The following PGGHG variants were observed in gnomAD, a reference collection of about 807,000 sequenced individuals.
The protein encoded by PGGHG is ATH1, acid trehalase-like 1.
Under a neutral mutation model 74.5 loss-of-function variants are expected in PGGHG, and 67 were observed. The observed-to-expected ratio is 0.90, with a 90% CI of 0.74 to 1.10. The LOEUF (loss-of-function observed/expected upper bound fraction) is 1.10, where lower values mean the gene tolerates loss of function less well. PGGHG is among the 50% of genes least tolerant of loss of function. PGGHG has a pLI of 0.00. For missense variants in PGGHG, 1,034 were observed against 981.5 expected, an observed-to-expected ratio of 1.05 and a Z score of -0.72; for synonymous variants, 496 against 419.9, an observed-to-expected ratio of 1.18 and a Z score of -2.21.
At position 292,644 on chromosome 11, in the gene PGGHG, G is replaced by A. The variant is rs371810242; in HGVS notation, c.1125G>A (p.Val375=). 3.5e-5 allele frequency: 57 copies of A among 1,613,686 alleles called. No individual in the cohort carries two copies. Among genetic ancestry groups the A allele is most frequent in the South Asian group, 8.8e-5 (8 of 91,094 alleles). The part of the protein sequence containing the change: ...VQEVHVNGAV[V]LAFELYYHTT... ...AGGTCCACGTCAACGGGGCCGTGGT[G>A]TTGGCCTTCGAGCTGTACTACCATA... Residue 375 remains valine (V), a synonymous_variant, in exon 6 of 14, where the codon GTG becomes GTA. Transcript: ENST00000409548.
chr11:291,091 G>A lies in PGGHG; in HGVS notation c.884G>A (p.Trp295Ter). ...LSNGSREECY[W>*]GHVFWDQDLW... ...AATGGGAGCCGTGAGGAATGCTACT[G>A]GGGCCACGTCTTCTGGGACCAGGTG... The change falls in exon 4 of 14, where the codon TGG becomes TAG. Residue 295 changes from tryptophan (W) to a stop codon, truncating the protein, a stop_gained. Transcript: ENST00000409548. LOFTEE classifies it high-confidence loss of function. The A allele has an allele frequency of 6.3e-7, 1 of 1,591,766 alleles. No homozygotes were observed. Among genetic ancestry groups the A allele is most frequent in the Non-Finnish European group, 8.6e-7 (1 of 1,166,152 alleles).
chr11:290,479 C>CGAGT lies in PGGHG; in HGVS notation c.351_354dup (p.Ile120ValfsTer34). ...CACGCTGCCCCACGTGCTGGCTTTC[C>CGAGT]GAGTGTCCATCGCCCGCCTGGCCCC... On this transcript the variant is annotated frameshift_variant, in exon 3 of 14. Transcript: ENST00000409548. LOFTEE classifies it high-confidence loss of function. The CGAGT allele has an allele frequency of 6.5e-7, 1 of 1,550,188 alleles. No homozygotes were observed. Among genetic ancestry groups the CGAGT allele is most frequent in the African/African-American group, 1.4e-5 (1 of 73,174 alleles).
chr11:291,591 G>A (rs1242351003), intron 4 of PGGHG: 5 of 267,028 alleles, frequency 1.9e-5, no homozygotes, highest in East Asian at 1.9e-4. Flanking sequence ...GAGGTGTCGA[G>A]AGTGACTGTG....
chr11:295,141 C>T lies in PGGHG; in HGVS notation c.*392C>T, dbSNP rs1421378772. 1.7e-5 allele frequency: 3 copies of T among 174,150 alleles called. No homozygotes were observed. Among genetic ancestry groups the T allele is most frequent in the African/African-American group, 7.1e-5 (3 of 42,298 alleles). 10.8% of individuals were successfully genotyped at this position (174,150 alleles called of 1,614,324 possible). A position where few individuals can be genotyped will look rare whatever the true frequency, so the allele number is the denominator to read the frequency against. ...TGCTGAGAAGGCAGAGAGGCAGGCT[C>T]AGGCCTCAGCGTGGACAGCAGGGAT... On this transcript the variant is annotated 3_prime_UTR_variant, in exon 14 of 14. Coordinates refer to ENST00000409548, the MANE Select transcript of PGGHG (RefSeq NM_025092.5).
Position 293,162 on chromosome 11 carries a change from G to A in PGGHG, c.1271-1G>A. ...GCACCATCTTGGACTTGTGTGTCCA[G>A]GAGTCATGTCCCCCGACGAGTACCA... On this transcript the variant is annotated splice_acceptor_variant, in intron 7 of 13. Coordinates refer to ENST00000409548, the MANE Select transcript of PGGHG (RefSeq NM_025092.5). LOFTEE classifies it high-confidence loss of function. 1 of 1,613,882 alleles carries A rather than the reference G, an allele frequency of 6.2e-7. No individual in the cohort carries two copies. The highest frequency in any genetic ancestry group is 8.5e-7 in the Non-Finnish European group (1 of 1,180,006).
At chr11:294,067 G>A (rs1322620881) in intron 11 of PGGHG, 32 bp from the exon 12 acceptor site, 2 of 1,586,208 alleles carry the variant, frequency 1.3e-6, no homozygotes, top group Non-Finnish European at 1.7e-6. Flanking sequence ...GTGACCTGGG[G>A]GTCCTGGTGT....
chr11:289,783 A>G lies in PGGHG; in HGVS notation c.-13-21A>G. 1 of 1,535,390 alleles carries G rather than the reference A, an allele frequency of 6.5e-7. No individual in the cohort carries two copies. The highest frequency in any genetic ancestry group is 2.0e-5 in the Admixed American group (1 of 50,230). ...GGCCCAGCCAGTCCCGCGGCCCCTG[A>G]CACCCCATCAGGCCGCTCAGGCCCA... On this transcript the variant is annotated intron_variant, in intron 1 of 13. Coordinates refer to ENST00000409548, the MANE Select transcript of PGGHG (RefSeq NM_025092.5). The surrounding 1 kb of genome is among the most constrained non-coding windows in gnomAD (Gnocchi z 5.6).
At position 290,763 on chromosome 11, in the gene PGGHG, G is replaced by A. The variant is rs984846977; in HGVS notation, c.556G>A (p.Asp186Asn). Residue 186 changes from aspartate (D) to asparagine (N), a missense_variant, in exon 4 of 14, where the codon GAC (aspartate) becomes AAC (asparagine). Coordinates refer to ENST00000409548, the MANE Select transcript of PGGHG (RefSeq NM_025092.5). ...CATGCTGTGGACACCAGCACCCCCA[G>A]ACCTGACCCTTGGGGAAGGTGAGGA... Reference protein sequence around the residue: ...VHMLWTPAPPDLTLGEGEEAR... With the variant: ...VHMLWTPAPPNLTLGEGEEAR... 6.2e-7 allele frequency: 1 copy of A among 1,612,422 alleles called. No homozygotes were observed. Among genetic ancestry groups the A allele is most frequent in the Non-Finnish European group, 8.5e-7 (1 of 1,179,652 alleles).
rs1326610782 is a variant in PGGHG, at chr11:294,153, G to A, written c.1765G>A (p.Gly589Arg). The change falls in exon 12 of 14, where the codon GGG becomes AGG. Residue 589 changes from glycine (G) to arginine (R), a missense_variant. By Grantham distance (125) the Gly-to-Arg change is moderately radical. Coordinates refer to ENST00000409548, the MANE Select transcript of PGGHG (RefSeq NM_025092.5). ...CGCTGTGAACTTCCTGACAGGCATG[G>A]GGGGCTTCCTGCAGGCGGTGGTCTT... The part of the protein sequence containing the change: ...SGAVNFLTGM[G>R]GFLQAVVFGC... 3.7e-6 allele frequency: 6 copies of A among 1,612,894 alleles called. No individual in the cohort carries two copies. The highest frequency in any genetic ancestry group is 1.1e-5 in the South Asian group (1 of 90,894).
rs1590284349 is a variant in PGGHG at position 291,127 on chromosome 11, A to C, written c.906+14A>C. The C allele has an allele frequency of 6.5e-7, 1 of 1,542,544 alleles. No individual in the cohort carries two copies. Among genetic ancestry groups the C allele is most frequent in the Admixed American group, 1.9e-5 (1 of 51,380 alleles). On this transcript the variant is annotated intron_variant, in intron 4 of 13. Transcript: ENST00000409548. ...TTCTGGGACCAGGTGAGCACTGTAC[A>C]CCCAGCACCAGCCACACAGCAGGCG...
intron 5 of PGGHG, 69 bp downstream of exon 5, chr11:292,164 C>G: frequency 6.8e-7 from 1 of 1,461,326 alleles, no homozygotes; most frequent in Non-Finnish European, 9.0e-7. Context: ...CCTCCCAGGC[C>G]TGTATCCCTC....
In PGGHG at chr11:296,037, G is replaced by A. The variant is rs1417338858; in HGVS notation, c.*1288G>A. 6.6e-6 allele frequency: 1 copy of A among 152,358 alleles called. No individual in the cohort carries two copies. The highest frequency in any genetic ancestry group is 1.5e-5 in the Non-Finnish European group (1 of 68,116). The allele number at this position is 152,358 out of a possible 1,614,324, so 9.4% of individuals were successfully genotyped here. A position where few individuals can be genotyped will look rare whatever the true frequency, so the allele number is the denominator to read the frequency against. On this transcript the variant is annotated 3_prime_UTR_variant, in exon 14 of 14. Coordinates refer to ENST00000409548, the MANE Select transcript of PGGHG (RefSeq NM_025092.5). ...GAAGCAGCGTGTGGGGGAGGCATGT[G>A]CTGCAGCACACCTGCGGCCGAGACC...
chr11:292,071 G>A lies in PGGHG; in HGVS notation c.1002G>A (p.Glu334=). The A allele has an allele frequency of 6.4e-7, 1 of 1,570,590 alleles. No homozygotes were observed. Among genetic ancestry groups the A allele is most frequent in the Non-Finnish European group, 8.6e-7 (1 of 1,157,678 alleles). Residue 334 remains glutamate, a synonymous_variant, in exon 5 of 14, where the codon GAG becomes GAA. Transcript: ENST00000409548. ...YRIRTLDGAL[E]NAQNLGYQGA... The stretch of plus-strand genomic sequence containing the variant: ...TCCGCACGCTGGACGGGGCCCTGGA[G>A]AACGCCCAGAACCTGGGCTACCAGG...
At chr11:291,949 C>A in intron 4 of PGGHG, 27 bp from the exon 5 acceptor site, 1 of 1,586,624 alleles carries the variant, frequency 6.3e-7, no homozygotes, top group Non-Finnish European at 8.6e-7. Flanking sequence ...GCCTGTCCGG[C>A]GCTAGAACGA....
At chr11:291,632 C>G in intron 4 of PGGHG, 1 of 297,248 alleles carries the variant, frequency 3.4e-6, no homozygotes, top group Non-Finnish European at 6.4e-6. Flanking sequence ...TCTGAGCCTC[C>G]CGGTGCTGCC....
intron 5 of PGGHG, 32 bp downstream of exon 5, chr11:292,127 C>T (rs1845741574): frequency 6.6e-7 from 1 of 1,510,806 alleles, no homozygotes; most frequent in Non-Finnish European, 8.8e-7. Flanking sequence ...GCCCGTAGGG[C>T]CCTGCAGGGC....
rs1330670526 is a variant in PGGHG, at chr11:289,604, C to T, written c.-13-200C>T. On this transcript the variant is annotated intron_variant, in intron 1 of 13. Coordinates refer to ENST00000409548, the MANE Select transcript of PGGHG (RefSeq NM_025092.5). The surrounding 1 kb of genome is among the most constrained non-coding windows in gnomAD (Gnocchi z 5.6). Reference sequence around the variant, plus strand: ...CTCAGCTGGGTTCCTGGAGATCAACCTTTGGGGTCTGAGCCCCTCTGAGAG... The same window carrying T: ...CTCAGCTGGGTTCCTGGAGATCAACTTTTGGGGTCTGAGCCCCTCTGAGAG... 1 of 646,030 alleles carries T rather than the reference C, an allele frequency of 1.5e-6. No individual in the cohort carries two copies. Among genetic ancestry groups the T allele is most frequent in the Non-Finnish European group, 2.6e-6 (1 of 385,430 alleles). 40.0% of individuals were successfully genotyped at this position (646,030 alleles called of 1,614,324 possible).
In PGGHG at chr11:292,964, T is replaced by A; in HGVS notation, c.1237T>A (p.Trp413Arg). Reference protein sequence around the residue: ...VAEFWCSRVEWSPREEKYHLR... With the variant: ...VAEFWCSRVERSPREEKYHLR... ...CGAGTTTTGGTGCAGTCGTGTTGAG[T>A]GGAGCCCCAGGGAGGAAAAGTACCA... Residue 413 changes from tryptophan to arginine, a missense_variant, in exon 7 of 14, where the codon TGG becomes AGG. Trp to Arg is a moderately radical substitution (Grantham distance 101). Coordinates refer to ENST00000409548, the MANE Select transcript of PGGHG (RefSeq NM_025092.5). The A allele has an allele frequency of 1.2e-6, 2 of 1,613,626 alleles. No individual in the cohort carries two copies.
Position 294,884 on chromosome 11 carries a change from G to A in PGGHG, c.*135G>A, listed in dbSNP as rs1381219427. The A allele has an allele frequency of 8.8e-7, 1 of 1,136,222 alleles. No homozygotes were observed. Among genetic ancestry groups the A allele is most frequent in the Non-Finnish European group, 1.2e-6 (1 of 819,572 alleles). The allele number at this position is 1,136,222 out of a possible 1,614,324, so 70.4% of individuals were successfully genotyped here. On this transcript the variant is annotated 3_prime_UTR_variant, in exon 14 of 14. Transcript: ENST00000409548. ...TCTCAGGGAAGGTCCATGCTGCTTGGCCTGAGTTCAAGGCTTTCTGCCTGT... is the reference window on the plus strand; with the variant it reads ...TCTCAGGGAAGGTCCATGCTGCTTGACCTGAGTTCAAGGCTTTCTGCCTGT...
Sources: allele counts gnomAD v4.1 joint callset, GRCh38; gene constraint gnomAD v4.1.1; non-coding constraint Gnocchi (gnomAD v3.1); transcripts MANE v1.5; gene names NCBI Gene and HGNC (gene_info 2026-07-23, HGNC 2026-07-21).